The following STAP2 variants were observed in gnomAD, a reference collection of about 807,000 sequenced individuals.
The protein encoded by STAP2 is signal transducing adaptor family member 2.
A neutral mutation model predicts 52.7 loss-of-function variants in STAP2; 58 were observed. The observed-to-expected ratio is 1.10, with a 90% CI of 0.89 to 1.37. STAP2 has a LOEUF of 1.37. Among genes scored for constraint, STAP2 ranks in the 40% most tolerant of loss-of-function variants. The pLI, the probability that STAP2 is intolerant of heterozygous loss-of-function variation, is 0.00. For synonymous variants in STAP2, 231 were observed against 210.5 expected (o/e 1.10, Z -0.84); for missense variants, 522 against 519.4 (o/e 1.00, Z -0.05).
At chr19:4,327,679 G>T (rs1971817412) in intron 6 of STAP2, among the ~76,000 whole-genome samples, 1 of 151,886 alleles carries the variant, frequency 6.6e-6, no homozygotes, top group Non-Finnish European at 1.5e-5. Flanking sequence ...TCCAGCGAGG[G>T]ACCAGGCCAG....
At chr19:4,328,893 A>T (rs994749789) in intron 5 of STAP2, 84 bp from the exon 6 acceptor site, 2 of 1,522,546 alleles carry the variant, frequency 1.3e-6, no homozygotes, top group Non-Finnish European at 1.8e-6. Flanking sequence ...TCTGAGACCC[A>T]GCCCCATCCC....
Position 4,334,060 on chromosome 19 carries a change from G to C in STAP2, c.103-16C>G, listed in dbSNP as rs1971935244. 1 of 1,602,510 alleles carries C rather than the reference G, an allele frequency of 6.2e-7. No individual in the cohort carries two copies. The highest frequency in any genetic ancestry group is 1.1e-5 in the South Asian group (1 of 89,314). On this transcript the variant is annotated splice_polypyrimidine_tract_variant and intron_variant, in intron 1 of 12. Transcript: ENST00000594605. Reference sequence around the variant, plus strand: ...TCTTGTAATCCTAGGGACCAGAAGTGCAGAAAGAAGAGGTGAGCTGGCCAA... The same window carrying C: ...TCTTGTAATCCTAGGGACCAGAAGTCCAGAAAGAAGAGGTGAGCTGGCCAA...
In STAP2 at chr19:4,326,943, T is replaced by C; in HGVS notation, c.828A>G (p.Pro276=). 1 of 1,538,218 alleles carries C rather than the reference T, an allele frequency of 6.5e-7. No homozygotes were observed. The highest frequency in any genetic ancestry group is 8.8e-7 in the Non-Finnish European group (1 of 1,139,684). ...CGGCCCGCGGGAAGGGGGCGTCACC[T>C]GGGCCCGGAGCGGAGGGCGCCACCC... is the stretch of plus-strand genomic sequence containing the variant. ...NVWVAPSAPG[P]GPAPCTGGPK... Residue 276 remains proline, a splice_region_variant and synonymous_variant, in exon 9 of 13, where the codon CCA becomes CCG. Coordinates refer to ENST00000594605, the MANE Select transcript of STAP2 (RefSeq NM_001013841.2).
intron 11 of STAP2, 101 bp from the exon 12 acceptor site, chr19:4,324,630 G>C: frequency 8.2e-7 from 1 of 1,225,102 alleles, no homozygotes; most frequent in Non-Finnish European, 1.2e-6. Context: ...TCAGGAGTTC[G>C]AGACCAGCCT....
Position 4,327,369 on chromosome 19 carries a change from G to A in STAP2, c.607C>T (p.His203Tyr), listed in dbSNP as rs1176258340. ...GGGCCCTCCCGCTTCACCTTGTAAT[G>A]CCGGACCACGTGCGTCCTGCACCAG... is the stretch of plus-strand genomic sequence containing the variant. ...QMHNGTHVVR[H>Y]YKVKREGPKY... The change falls in exon 7 of 13, where the codon CAT (histidine) becomes TAT (tyrosine). Residue 203 changes from histidine (H) to tyrosine (Y), a missense_variant. Physicochemically the swap from His to Tyr is moderately conservative, Grantham distance 83 (BLOSUM62 2). Transcript: ENST00000594605. 1.2e-6 allele frequency: 2 copies of A among 1,613,978 alleles called. No individual in the cohort carries two copies. The highest frequency in any genetic ancestry group is 1.7e-6 in the Non-Finnish European group (2 of 1,179,998).
In STAP2 at chr19:4,327,083, GGT is replaced by G. The variant is rs1971805452; in HGVS notation, c.763+39_763+40del. 3 of 1,611,706 alleles carry G rather than the reference GGT, an allele frequency of 1.9e-6. No homozygotes were observed. In the South Asian group the frequency reaches 3.3e-5, roughly 18 times the overall value. ...GGTCCGTCCGAGCGGGGGCGGGAGAGGTGAGCACTGGGCCCCCGAACTCCCCG... is the reference window on the plus strand; with the variant it reads ...GGTCCGTCCGAGCGGGGGCGGGAGAGGAGCACTGGGCCCCCGAACTCCCCG... On this transcript the variant is annotated intron_variant, in intron 8 of 12. Transcript: ENST00000594605.
At chr19:4,332,800 C>G (rs1249236160) in intron 3 of STAP2, among the ~76,000 whole-genome samples, 1 of 151,968 alleles carries the variant, frequency 6.6e-6, no homozygotes, top group Non-Finnish European at 1.5e-5. Context: ...TGCACTCCAG[C>G]CTGGGCGACG....
chr19:4,327,114 G>A lies in STAP2; in HGVS notation c.763+10C>T. ...CACTGGGCCCCCGAACTCCCCGAAG[G>A]GGCACCCACCTAGCACCTTCTCGTA... On this transcript the variant is annotated intron_variant, in intron 8 of 12. Transcript: ENST00000594605. The A allele has an allele frequency of 6.2e-7, 1 of 1,614,088 alleles. No homozygotes were observed. Among genetic ancestry groups the A allele is most frequent in the Non-Finnish European group, 8.5e-7 (1 of 1,179,968 alleles).
At chr19:4,329,000 G>GTT in intron 5 of STAP2, 191 bp from the exon 6 acceptor site, 1 of 723,094 alleles carries the variant, frequency 1.4e-6, no homozygotes, top group Non-Finnish European at 2.1e-6. Context: ...TTTTTGTGGG[G>GTT]TTTTTTGTTT....
chr19:4,328,317 A>G (rs986701527), intron 6 of STAP2: 1 of 25,670 alleles, frequency 3.9e-5, no homozygotes, highest in Admixed American at 4.6e-4. Context: ...CAGCCCGCCC[A>G]CCCCAGCTCT....
intron 4 of STAP2, among the ~76,000 whole-genome samples, chr19:4,331,475 C>T (rs955674674): frequency 1.3e-5 from 2 of 151,790 alleles, no homozygotes; most frequent in African/African-American, 2.4e-5. Flanking sequence ...ACTAAAAATA[C>T]AAAAATTAGC....
At chr19:4,329,185 A>G (rs28727454) in intron 5 of STAP2, among the ~76,000 whole-genome samples, 10,971 of 151,654 alleles carry the variant, frequency 0.072, 610 homozygotes, top group African/African-American at 0.16. Flanking sequence ...GGCTGGTCTC[A>G]AACTCCCTAC....
chr19:4,325,117 CG>C (rs1971765439), intron 11 of STAP2, 98 bp downstream of exon 11: 45 of 1,084,490 alleles, frequency 4.1e-5, no homozygotes, highest in Middle Eastern at 2.5e-4. Flanking sequence ...CCAGCCTGGG[CG>C]ACAGAGTGAG....
At chr19:4,338,572 GT>G in intron 1 of STAP2, 79 bp downstream of exon 1, 1 of 833,666 alleles carries the variant, frequency 1.2e-6, no homozygotes, top group Non-Finnish European at 1.7e-6. Flanking sequence ...CCCTTGGCGA[GT>G]GGGGAGACAG....
In STAP2 at chr19:4,338,528, C is replaced by T. The variant is rs113478694; in HGVS notation, c.102+124G>A. The T allele has an allele frequency of 6.3e-4, 554 of 885,868 alleles. 7 individuals are homozygous for T. The East Asian group carries it at 0.013, about 21-fold the overall frequency. 54.9% of individuals were successfully genotyped at this position (885,868 alleles called of 1,614,324 possible). ...CAGAACCCACCCCAGTCCCCCAGCA[C>T]GTGTCCTGCCCCATCCAGCACCCAC... On this transcript the variant is annotated intron_variant, in intron 1 of 12. Transcript: ENST00000594605.
Position 4,330,063 on chromosome 19 carries a change from T to C in STAP2, c.355-2A>G, listed in dbSNP as rs1323171567. On this transcript the variant is annotated splice_acceptor_variant, in intron 4 of 12. Transcript: ENST00000594605. LOFTEE classifies it high-confidence loss of function. ...GGTCAAGTCGGTCGGGACACGGAGC[T>C]GAGGGGCGATCGAGGGACAGTGACT... 6.2e-7 allele frequency: 1 copy of C among 1,612,572 alleles called. No homozygotes were observed. The highest frequency in any genetic ancestry group is 8.5e-7 in the Non-Finnish European group (1 of 1,179,458).
chr19:4,331,622 T>C (rs969017517), intron 4 of STAP2, among the ~76,000 whole-genome samples: 2 of 150,448 alleles, frequency 1.3e-5, no homozygotes, highest in African/African-American at 4.9e-5. Flanking sequence ...AGAGTGAGAC[T>C]CTGTCTCAAA....
chr19:4,333,632 A>G, intron 3 of STAP2, 62 bp downstream of exon 3: 1 of 1,544,898 alleles, frequency 6.5e-7, no homozygotes, highest in Admixed American at 2.0e-5. Context: ...AATGGAGGGT[A>G]GGAGCATTTG....
chr19:4,327,424 C>A (rs573688112), intron 6 of STAP2, 39 bp from the exon 7 acceptor site: 2 of 1,610,304 alleles, frequency 1.2e-6, no homozygotes, highest in Non-Finnish European at 1.7e-6. Flanking sequence ...TCAGCCCAGG[C>A]TCCCACACCG....
Sources: allele counts gnomAD v4.1 joint callset (sites outside exome capture counted in the v4.1 genomes callset), GRCh38; gene constraint gnomAD v4.1.1; transcripts MANE v1.5; gene names NCBI Gene and HGNC (gene_info 2026-07-23, HGNC 2026-07-21).